The following PBX3 variants were observed in gnomAD, a reference collection of about 807,000 sequenced individuals.
PBX3 encodes the protein pre-B-cell leukemia transcription factor 3.
In PBX3, 14 loss-of-function variants were observed where a neutral mutation model predicts 48.5. The ratio of observed to expected loss-of-function variants is 0.29; its 90% CI spans 0.19 to 0.45. The LOEUF (loss-of-function observed/expected upper bound fraction) is 0.45. PBX3 is among the 20% of genes least tolerant of loss of function. The pLI is 1.00. For synonymous variants in PBX3, 210 were observed against 200.3 expected (o/e 1.05, Z -0.41); for missense variants, 386 against 546.7 (o/e 0.71, Z 2.93).
At chr9:125,928,494 C>G (rs1366562118) in intron 3 of PBX3, among the ~76,000 whole-genome samples, 2 of 148,402 alleles carry the variant, frequency 1.3e-5, no homozygotes, top group Non-Finnish European at 3.0e-5. Context: ...ATCTTGGAAT[C>G]TCGCTTTGTT....
chr9:125,755,342 C>T (rs1836484869), intron 2 of PBX3, among the ~76,000 whole-genome samples: 1 of 152,066 alleles, frequency 6.6e-6, no homozygotes, highest in African/African-American at 2.4e-5. Flanking sequence ...TCTAAACAGG[C>T]ATTACAGATG....
chr9:125,792,644 A>T (rs906038674), intron 2 of PBX3, among the ~76,000 whole-genome samples: 13 of 152,130 alleles, frequency 8.5e-5, no homozygotes, highest in African/African-American at 3.1e-4. Flanking sequence ...CATAAACAAA[A>T]AATTGGATGT....
intron 2 of PBX3, among the ~76,000 whole-genome samples, chr9:125,878,664 A>G: frequency 6.6e-6 from 1 of 152,356 alleles, no homozygotes; most frequent in African/African-American, 2.4e-5. Context: ...TTTAAAGAGT[A>G]CTACAATAAA....
chr9:125,929,782 T>C lies in PBX3; in HGVS notation c.644T>C (p.Met215Thr). Residue 215 changes from methionine (M) to threonine (T), a missense_variant, in exon 4 of 9, where the codon ATG becomes ACG. Physicochemically the swap from Met to Thr is moderately conservative, Grantham distance 81. This residue lies in a region of PBX3 where 74 missense variants were observed against 206.1 expected (regional missense o/e 0.36). Transcript: ENST00000373489. ...CATCGAAAATTTAGTTCCATTCAGA[T>C]GCAGCTCAAACAAAGCACTTGTGAA... ...IIHRKFSSIQ[M>T]QLKQSTCEAV... The C allele has an allele frequency of 1.9e-6, 3 of 1,614,142 alleles. No homozygotes were observed. Among genetic ancestry groups the C allele is most frequent in the Non-Finnish European group, 2.5e-6 (3 of 1,179,992 alleles).
chr9:125,916,890 A>G (rs528941590), intron 3 of PBX3, among the ~76,000 whole-genome samples: 54 of 152,270 alleles, frequency 3.5e-4, no homozygotes, highest in African/African-American at 1.3e-3. Context: ...AATAATGAGA[A>G]TAGTATTAGA....
At chr9:125,850,357 A>G (rs1839545910) in intron 2 of PBX3, among the ~76,000 whole-genome samples, 1 of 152,072 alleles carries the variant, frequency 6.6e-6, no homozygotes, top group Non-Finnish European at 1.5e-5. Context: ...TTGCATTGGC[A>G]GCCTGAAGCC....
intron 2 of PBX3, among the ~76,000 whole-genome samples, chr9:125,762,902 G>T (rs1836706861): frequency 1.3e-5 from 2 of 152,146 alleles, no homozygotes; most frequent in African/African-American, 2.4e-5. Context: ...AAACTCACTT[G>T]AGCAGATTTT....
At chr9:125,765,636 C>A (rs1305513441) in intron 2 of PBX3, among the ~76,000 whole-genome samples, 1 of 152,034 alleles carries the variant, frequency 6.6e-6, no homozygotes, top group African/African-American at 2.4e-5. Flanking sequence ...ATTTATATTG[C>A]AAGTCTTTTA....
At chr9:125,874,856 T>G (rs1840211596) in intron 2 of PBX3, among the ~76,000 whole-genome samples, 1 of 152,208 alleles carries the variant, frequency 6.6e-6, no homozygotes. Flanking sequence ...AGAGAAAAGT[T>G]TGCACATGTC....
At chr9:125,921,959 T>G (rs1841466807) in intron 3 of PBX3, among the ~76,000 whole-genome samples, 1 of 152,156 alleles carries the variant, frequency 6.6e-6, no homozygotes, top group Admixed American at 6.5e-5. Context: ...TGATCACTGA[T>G]CATTATAAAA....
chr9:125,753,114 A>G (rs1836419438), intron 2 of PBX3, among the ~76,000 whole-genome samples: 1 of 152,112 alleles, frequency 6.6e-6, no homozygotes, highest in Admixed American at 6.6e-5. Context: ...TTTTGAAGCA[A>G]ATTTTAATGG....
rs1842442886 is a variant in PBX3 at position 125,962,102 on chromosome 9, G to T, written c.1010G>T (p.Gly337Val). 1.3e-6 allele frequency: 2 copies of T among 1,528,392 alleles called. No individual in the cohort carries two copies. The highest frequency in any genetic ancestry group is 1.8e-6 in the Non-Finnish European group (2 of 1,102,620). 94.7% of individuals were successfully genotyped at this position (1,528,392 alleles called of 1,614,324 possible). Reference sequence around the variant, plus strand: ...AGCTACTTAACTCTTTCCTTTCCAGGTTCTTCTGGTTCTTTTAACCTCCCA... The same window carrying T: ...AGCTACTTAACTCTTTCCTTTCCAGTTTCTTCTGGTTCTTTTAACCTCCCA... Reference protein sequence around the residue: ...QTNSPTTPNSGSSGSFNLPNS... With the variant: ...QTNSPTTPNSVSSGSFNLPNS... The change falls in exon 7 of 9, where the codon GGT becomes GTT. Residue 337 changes from glycine to valine, a missense_variant and splice_region_variant. Gly to Val is a moderately radical substitution (Grantham distance 109). This residue lies in a region of PBX3 where 127 missense variants were observed against 143.3 expected (regional missense o/e 0.89). Coordinates refer to ENST00000373489, the MANE Select transcript of PBX3 (RefSeq NM_006195.6).
intron 2 of PBX3, among the ~76,000 whole-genome samples, chr9:125,845,195 C>T (rs1478192834): frequency 1.3e-5 from 2 of 151,958 alleles, no homozygotes; most frequent in East Asian, 1.9e-4. Flanking sequence ...ATACTTTTCC[C>T]GAAAAGTCCT....
At chr9:125,848,629 T>C (rs1839495026) in intron 2 of PBX3, among the ~76,000 whole-genome samples, 1 of 152,042 alleles carries the variant, frequency 6.6e-6, no homozygotes, top group African/African-American at 2.4e-5. Context: ...TGCTATCAAG[T>C]TAAAATTTAG....
chr9:125,816,887 G>A (rs915377470), intron 2 of PBX3, among the ~76,000 whole-genome samples: 14 of 151,966 alleles, frequency 9.2e-5, no homozygotes, highest in African/African-American at 3.4e-4. Context: ...TTCTTTTCTT[G>A]TAATGTCTCA....
At chr9:125,940,136 A>G (rs1841927989) in intron 5 of PBX3, among the ~76,000 whole-genome samples, 1 of 152,068 alleles carries the variant, frequency 6.6e-6, no homozygotes, top group African/African-American at 2.4e-5. Context: ...GTGAGCCAAG[A>G]TCGTGCCATT....
intron 2 of PBX3, among the ~76,000 whole-genome samples, chr9:125,822,324 A>G (rs73667088): frequency 0.039 from 5,996 of 152,178 alleles, 418 homozygotes; most frequent in African/African-American, 0.14. Context: ...TGTCTGTTCT[A>G]TTGCCCATTT....
chr9:125,776,993 C>A (rs1242518081), intron 2 of PBX3, among the ~76,000 whole-genome samples: 1 of 148,576 alleles, frequency 6.7e-6, no homozygotes, highest in Non-Finnish European at 1.5e-5. Context: ...GCCTGGCTGA[C>A]ACATGATTTT....
chr9:125,753,535 G>A (rs898037689), intron 2 of PBX3, among the ~76,000 whole-genome samples: 2 of 151,828 alleles, frequency 1.3e-5, no homozygotes, highest in Non-Finnish European at 2.9e-5. Context: ...TTCCAATCCT[G>A]TTCTTTATTT....
Sources: allele counts gnomAD v4.1 joint callset (sites outside exome capture counted in the v4.1 genomes callset), GRCh38; gene constraint gnomAD v4.1.1; regional missense constraint gnomAD v4.1.1; transcripts MANE v1.5; gene names NCBI Gene and HGNC (gene_info 2026-07-23, HGNC 2026-07-21).